Variants in RBMS3 observed in about 807,000 individuals in gnomAD.
RBMS3 encodes RNA-binding motif, single-stranded-interacting protein 3.
Under a neutral mutation model 66.8 loss-of-function variants are expected in RBMS3, and 27 were observed. The ratio of observed to expected loss-of-function variants is 0.40; its 90% CI spans 0.30 to 0.56. RBMS3 has a LOEUF of 0.56. RBMS3 is among the 20% of genes least tolerant of loss of function. The probability of loss-of-function intolerance (pLI) is 0.40; values close to 1 mark genes in which losing one functional copy is unlikely to be tolerated. For missense variants in RBMS3, 513 were observed against 549.5 expected (o/e 0.93, Z 0.66); for synonymous variants, 188 against 183.0 (o/e 1.03, Z -0.22).
intron 1 of RBMS3, among the ~76,000 whole-genome samples, chr3:29,426,847 A>C (rs1160629730): frequency 6.6e-6 from 1 of 150,418 alleles, no homozygotes; most frequent in African/African-American, 2.4e-5. Context: ...TGAGAAAACA[A>C]AGAATTACTG....
rs200167642 is a variant in RBMS3 at position 29,294,794 on chromosome 3, T to G, written c.75+13038T>G. Reference sequence around the variant, plus strand: ...TTTTGTCAATTTTGTTTATTCAAAATCCAGGGTCTTGACTACAATAGTTCT... The same window carrying G: ...TTTTGTCAATTTTGTTTATTCAAAAGCCAGGGTCTTGACTACAATAGTTCT... On this transcript the variant is annotated intron_variant, in intron 1 of 14. Transcript: ENST00000383767. 1.5e-4 allele frequency among the ~76,000 whole-genome samples: 23 copies of G among 151,890 alleles called. No homozygotes were observed. In the East Asian group the frequency reaches 3.3e-3, roughly 22 times the overall value.
chr3:29,924,774 G>T (rs1242616650), intron 10 of RBMS3: 1 of 152,420 alleles, frequency 6.6e-6, no homozygotes, highest in East Asian at 1.9e-4. Flanking sequence ...GGCGGAGATT[G>T]CAGTGAGCCA....
intron 1 of RBMS3, among the ~76,000 whole-genome samples, chr3:29,342,397 G>T (rs1391522336): frequency 2.0e-5 from 3 of 152,070 alleles, no homozygotes; most frequent in African/African-American, 7.2e-5. Context: ...TGCCTTTCTG[G>T]ATTTGGAATA....
intron 1 of RBMS3, among the ~76,000 whole-genome samples, chr3:29,324,437 T>C (rs1389132197): frequency 6.6e-6 from 1 of 152,220 alleles, no homozygotes; most frequent in Non-Finnish European, 1.5e-5. Context: ...TCTCATGTAA[T>C]TGGTTCTCTT....
chr3:29,629,129 T>C (rs2049182829), intron 4 of RBMS3, among the ~76,000 whole-genome samples: 1 of 152,108 alleles, frequency 6.6e-6, no homozygotes, highest in African/African-American at 2.4e-5. Context: ...ACCATTAAAA[T>C]GTGAAAAAAT....
chr3:29,903,954 T>C (rs186462059), intron 10 of RBMS3, among the ~76,000 whole-genome samples: 1 of 152,072 alleles, frequency 6.6e-6, no homozygotes, highest in African/African-American at 2.4e-5. Flanking sequence ...AACCAGGCTG[T>C]TTAAGAAGCC....
intron 6 of RBMS3, among the ~76,000 whole-genome samples, chr3:29,768,132 C>G (rs934665958): frequency 5.9e-5 from 9 of 152,010 alleles, no homozygotes; most frequent in Admixed American, 3.3e-4. Flanking sequence ...TTTTTGTATT[C>G]TTAATGTTGG....
At chr3:29,843,944 T>G (rs2058720478) in intron 6 of RBMS3, among the ~76,000 whole-genome samples, 1 of 150,964 alleles carries the variant, frequency 6.6e-6, no homozygotes. Flanking sequence ...AGAATGAGAC[T>G]CTTTCTCAAA....
chr3:29,988,196 T>C lies in RBMS3; in HGVS notation c.1152T>C (p.Pro384=). 1 of 1,612,660 alleles carries C rather than the reference T, an allele frequency of 6.2e-7. No homozygotes were observed. The highest frequency in any genetic ancestry group is 1.1e-5 in the South Asian group (1 of 91,070). The change falls in exon 13 of 15, where the codon CCT becomes CCC. Residue 384 remains proline (P), a synonymous_variant. Coordinates refer to ENST00000383767, the MANE Select transcript of RBMS3 (RefSeq NM_001003793.3). ...MQGTYIPQYT[P]VPPTAVSIEG... Reference sequence around the variant, plus strand: ...GGACCTACATTCCTCAGTACACGCCTGTGCCTCCGACAGCTGTTTCTATTG... The same window carrying C: ...GGACCTACATTCCTCAGTACACGCCCGTGCCTCCGACAGCTGTTTCTATTG...
intron 4 of RBMS3, among the ~76,000 whole-genome samples, chr3:29,674,353 A>G (rs374157036): frequency 6.6e-6 from 1 of 152,332 alleles, no homozygotes; most frequent in East Asian, 1.9e-4. Context: ...CAAGACAGGG[A>G]TGCCCTCTCT....
At chr3:29,557,949 A>T (rs1221401624) in intron 3 of RBMS3, among the ~76,000 whole-genome samples, 1 of 152,212 alleles carries the variant, frequency 6.6e-6, no homozygotes, top group Non-Finnish European at 1.5e-5. Context: ...TTAAGAAGTC[A>T]TTGCTTTTAG....
chr3:29,377,021 G>A lies in RBMS3; in HGVS notation c.76-57722G>A, dbSNP rs149397719. ...GGAAAATCACTTGAGTCTGGGAGGC[G>A]GAGGTTGAAGTGAGCCAAGATCATG... On this transcript the variant is annotated intron_variant, in intron 1 of 14. Transcript: ENST00000383767. Among the ~76,000 whole-genome samples, 160 of 152,178 alleles carry A rather than the reference G, an allele frequency of 1.1e-3. 2 individuals carry two copies. Among genetic ancestry groups the A allele is most frequent in the East Asian group, 5.0e-3 (26 of 5,162 alleles).
chr3:29,309,953 G>C (rs2034270970), intron 1 of RBMS3, among the ~76,000 whole-genome samples: 1 of 151,626 alleles, frequency 6.6e-6, no homozygotes, highest in Non-Finnish European at 1.5e-5. Flanking sequence ...ACTAATGTGG[G>C]ATAACATAAT....
intron 6 of RBMS3, among the ~76,000 whole-genome samples, chr3:29,810,181 C>G (rs2057690250): frequency 6.6e-6 from 1 of 151,970 alleles, no homozygotes; most frequent in Admixed American, 6.6e-5. Flanking sequence ...AAACAGTGAT[C>G]TTAGAAAATA....
chr3:29,286,369 A>G (rs982787905), intron 1 of RBMS3, among the ~76,000 whole-genome samples: 27 of 151,462 alleles, frequency 1.8e-4, no homozygotes, highest in Admixed American at 3.3e-4. Flanking sequence ...ATGTTTTGCT[A>G]TTTTTTTTCC....
At chr3:29,527,524 A>C (rs1037174027) in intron 3 of RBMS3, among the ~76,000 whole-genome samples, 1 of 152,214 alleles carries the variant, frequency 6.6e-6, no homozygotes, top group Non-Finnish European at 1.5e-5. Context: ...CTTAATTTCT[A>C]TGTAAAAGTC....
chr3:29,761,541 A>G (rs928929624), intron 5 of RBMS3, among the ~76,000 whole-genome samples: 3 of 152,062 alleles, frequency 2.0e-5, no homozygotes, highest in Non-Finnish European at 4.4e-5. Context: ...CCTCTCCTAG[A>G]TTCCGTGCCT....
intron 6 of RBMS3, among the ~76,000 whole-genome samples, chr3:29,849,307 A>G (rs1230473349): frequency 6.6e-6 from 1 of 151,886 alleles, no homozygotes; most frequent in Non-Finnish European, 1.5e-5. Flanking sequence ...TAAGGTCAGG[A>G]GTTCAAGACC....
chr3:29,872,355 C>G (rs1332378115), intron 7 of RBMS3, among the ~76,000 whole-genome samples: 1 of 152,066 alleles, frequency 6.6e-6, no homozygotes, highest in East Asian at 1.9e-4. Flanking sequence ...TAATGTCTGG[C>G]TCAGTAAAAA....
Sources: gnomAD v4.1 joint callset for allele counts (sites outside exome capture counted in the v4.1 genomes callset) on GRCh38, gnomAD v4.1.1 for gene constraint, MANE v1.5 for transcripts, NCBI Gene and HGNC (gene_info 2026-07-23, HGNC 2026-07-21) for gene names.